DLG2: variants seen among roughly 807,000 people sequenced by gnomAD.
DLG2 encodes disks large homolog 2.
In DLG2, 45 loss-of-function variants were observed where a neutral mutation model predicts 132.5. That is an observed-to-expected ratio of 0.34 (90% CI 0.27 to 0.44). DLG2 has a LOEUF of 0.44. Among genes scored for constraint, DLG2 ranks in the 20% least tolerant of loss-of-function variants. The pLI is 1.00. For missense variants in DLG2, 1,045 were observed against 1,196.9 expected (o/e 0.87, Z 1.87); for synonymous variants, 424 against 419.6 (o/e 1.01, Z -0.13).
intron 3 of DLG2, among the ~76,000 whole-genome samples, chr11:85,398,658 A>T (rs2087682948): frequency 6.6e-6 from 1 of 152,220 alleles, no homozygotes; most frequent in Non-Finnish European, 1.5e-5. Flanking sequence ...ATCCCTACAC[A>T]ACTAAACTAG....
chr11:84,455,027 G>A (rs535858073), intron 7 of DLG2, among the ~76,000 whole-genome samples: 5 of 151,354 alleles, frequency 3.3e-5, no homozygotes, highest in East Asian at 2.0e-4. Flanking sequence ...ACTTGAAAAC[G>A]TTTTGCTTTC....
At chr11:83,886,984 C>T (rs1488794600) in intron 15 of DLG2, among the ~76,000 whole-genome samples, 1 of 151,844 alleles carries the variant, frequency 6.6e-6, no homozygotes, top group African/African-American at 2.4e-5. Flanking sequence ...TAAATGCCCA[C>T]AAGAGAAAGC....
At chr11:83,865,894 C>T (rs2062252100) in intron 16 of DLG2, among the ~76,000 whole-genome samples, 1 of 152,112 alleles carries the variant, frequency 6.6e-6, no homozygotes, top group African/African-American at 2.4e-5. Context: ...TTGTTCTCAT[C>T]TGTGCTCTGC....
intron 3 of DLG2, among the ~76,000 whole-genome samples, chr11:85,534,563 A>T (rs1317749891): frequency 6.6e-6 from 1 of 152,134 alleles, no homozygotes; most frequent in African/African-American, 2.4e-5. Context: ...TGTACCCAAT[A>T]TTTAGCTCTA....
intron 17 of DLG2, among the ~76,000 whole-genome samples, chr11:83,807,880 T>A (rs2046319167): frequency 6.6e-6 from 1 of 152,120 alleles, no homozygotes; most frequent in South Asian, 2.1e-4. Context: ...GTCTGTGTGG[T>A]GCACACACTG....
intron 7 of DLG2, among the ~76,000 whole-genome samples, chr11:84,368,404 A>G (rs1389697873): frequency 6.6e-6 from 1 of 152,092 alleles, no homozygotes; most frequent in Non-Finnish European, 1.5e-5. Flanking sequence ...TTCTATATAA[A>G]TATTCTCCCA....
In DLG2 at chr11:83,819,493, G is replaced by GAAGAAAAGAAA. The variant is rs57203084; in HGVS notation, c.1722+14110_1722+14120dup. ...TCAAAAAAAAAAAAAAAAAAAAAAA[G>GAAGAAAAGAAA]AAGAAAAGAAAAAGAAAAGAAAAAG... On this transcript the variant is annotated intron_variant, in intron 17 of 27. Transcript: ENST00000376104. Among the ~76,000 whole-genome samples the GAAGAAAAGAAA allele has an allele frequency of 2.9e-5, 3 of 104,746 alleles. No homozygotes were observed. In the East Asian group the frequency reaches 9.2e-4, roughly 32 times the overall value. The allele number at this position is 104,746 out of a possible 152,430, so 68.7% of individuals were successfully genotyped here. A position where few individuals can be genotyped will look rare whatever the true frequency, so the allele number is the denominator to read the frequency against.
At chr11:83,520,915 C>G (rs2095463494) in intron 21 of DLG2, among the ~76,000 whole-genome samples, 1 of 152,174 alleles carries the variant, frequency 6.6e-6, no homozygotes, top group South Asian at 2.1e-4. Flanking sequence ...AGTGGCATAG[C>G]TGGGATGGCA....
At chr11:85,020,761 A>G (rs1452528089) in intron 6 of DLG2, 2 of 681,712 alleles carry the variant, frequency 2.9e-6, no homozygotes, top group Non-Finnish European at 5.5e-6. Context: ...AGATTTCTAA[A>G]CCCTGCTATG....
intron 7 of DLG2, among the ~76,000 whole-genome samples, chr11:84,267,494 C>A (rs1051943273): frequency 6.6e-6 from 1 of 152,222 alleles, no homozygotes; most frequent in Non-Finnish European, 1.5e-5. Flanking sequence ...CCACTAGTCA[C>A]TAACTGGCCC....
At chr11:84,179,906 C>T (rs996443273) in intron 8 of DLG2, among the ~76,000 whole-genome samples, 2 of 152,122 alleles carry the variant, frequency 1.3e-5, no homozygotes, top group African/African-American at 2.4e-5. Context: ...GAAACCTAAT[C>T]ACAGGAATAA....
At chr11:84,278,047 G>T (rs1385211790) in intron 7 of DLG2, among the ~76,000 whole-genome samples, 20 of 99,598 alleles carry the variant, frequency 2.0e-4, no homozygotes, top group South Asian at 1.5e-3. Flanking sequence ...GCCTGGCTAA[G>T]TTTTTTTTTT....
chr11:84,500,554 C>T (rs1187090625), intron 7 of DLG2, among the ~76,000 whole-genome samples: 1 of 152,188 alleles, frequency 6.6e-6, no homozygotes, highest in Non-Finnish European at 1.5e-5. Flanking sequence ...TCCTTGCATT[C>T]TCTATAATCT....
intron 9 of DLG2, among the ~76,000 whole-genome samples, chr11:84,116,275 C>A (rs527527461): frequency 6.6e-6 from 1 of 152,158 alleles, no homozygotes; most frequent in Non-Finnish European, 1.5e-5. Flanking sequence ...TAAAAGCATT[C>A]GATACTGTTT....
intron 6 of DLG2, among the ~76,000 whole-genome samples, chr11:84,679,872 C>T (rs938898941): frequency 1.3e-5 from 2 of 151,826 alleles, no homozygotes; most frequent in Non-Finnish European, 2.9e-5. Context: ...GGGTTTGGGA[C>T]AATTTATTCA....
At chr11:85,301,439 T>G (rs2079578648) in intron 3 of DLG2, among the ~76,000 whole-genome samples, 2 of 152,040 alleles carry the variant, frequency 1.3e-5, no homozygotes, top group African/African-American at 4.8e-5. Flanking sequence ...AGCAAATATA[T>G]GGTACAAAAG....
At chr11:84,996,610 G>C (rs1417706097) in intron 6 of DLG2, among the ~76,000 whole-genome samples, 2 of 152,136 alleles carry the variant, frequency 1.3e-5, no homozygotes, top group South Asian at 2.1e-4. Context: ...TCCTATAGCA[G>C]TGACAAATAT....
intron 6 of DLG2, among the ~76,000 whole-genome samples, chr11:84,756,799 G>A (rs1007702923): frequency 1.3e-5 from 2 of 151,982 alleles, no homozygotes; most frequent in African/African-American, 2.4e-5. Flanking sequence ...GTTAGTGTTA[G>A]TGTATTTTAT....
intron 7 of DLG2, among the ~76,000 whole-genome samples, chr11:84,438,366 G>A (rs2099007223): frequency 6.6e-6 from 1 of 152,142 alleles, no homozygotes; most frequent in Non-Finnish European, 1.5e-5. Context: ...TAAAAGAACT[G>A]AGGCCTCTAT....
Sources: allele counts gnomAD v4.1 joint callset (sites outside exome capture counted in the v4.1 genomes callset), GRCh38; gene constraint gnomAD v4.1.1; transcripts MANE v1.5; gene names NCBI Gene and HGNC (gene_info 2026-07-23, HGNC 2026-07-21).